The following VDAC2 variants were observed in gnomAD, a reference collection of about 807,000 sequenced individuals.
VDAC2 encodes the protein voltage dependent anion channel 2, also known as non-selective voltage-gated ion channel VDAC2.
A neutral mutation model predicts 36.6 loss-of-function variants in VDAC2; 6 were observed. The ratio of observed to expected loss-of-function variants is 0.16; its 90% confidence interval spans 0.09 to 0.32. VDAC2 has a LOEUF of 0.32. Ranked by LOEUF, VDAC2 falls within the 10% of genes least tolerant of loss-of-function variation. VDAC2 has a pLI of 1.00. For missense variants in VDAC2, 247 were observed against 346.0 expected (o/e 0.71, Z 2.27); for synonymous variants, 109 against 123.8 (o/e 0.88, Z 0.79).
At chr10:75,215,644 G>A (rs182010558) in intron 4 of VDAC2, among the ~76,000 whole-genome samples, 10 of 151,914 alleles carry the variant, frequency 6.6e-5, no homozygotes, top group African/African-American at 2.2e-4. Context: ...GAGCCACCGC[G>A]CCCGGCCTAT....
chr10:75,219,055 CTTG>C lies in VDAC2; in HGVS notation c.151-5_151-3del, dbSNP rs768711781. Reference sequence around the variant, plus strand: ...GAATGTTCATGAAGTTATTGATTGTCTTGTTAGGAATTTTCAACGTCCGGTTCA... The same window carrying C: ...GAATGTTCATGAAGTTATTGATTGTCTTAGGAATTTTCAACGTCCGGTTCA... On this transcript the variant is annotated splice_region_variant and splice_polypyrimidine_tract_variant and intron_variant, in intron 4 of 9. Coordinates refer to ENST00000332211, the MANE Select transcript of VDAC2 (RefSeq NM_001391963.1). 1.6e-5 allele frequency: 25 copies of C among 1,603,376 alleles called. No individual in the cohort carries two copies. Among genetic ancestry groups the C allele is most frequent in the Non-Finnish European group, 2.0e-5 (24 of 1,176,798 alleles).
chr10:75,219,065 A>C lies in VDAC2; in HGVS notation c.153A>C (p.Glu51Asp), dbSNP rs756389131. ...GAAGTTATTGATTGTCTTGTTAGGA[A>C]TTTTCAACGTCCGGTTCATCTAATA... is the stretch of plus-strand genomic sequence containing the variant. ...DVKTKSCSGV[E>D]FSTSGSSNTD... The change falls in exon 5 of 10, where the codon GAA becomes GAC. Residue 51 changes from glutamate (E) to aspartate (D), a missense_variant and splice_region_variant. This residue lies in a region of VDAC2 where 76 missense variants were observed against 76.9 expected (regional missense o/e 0.99). Transcript: ENST00000332211. 6.2e-6 allele frequency: 10 copies of C among 1,601,194 alleles called. No individual in the cohort carries two copies. In the Admixed American group the frequency reaches 1.7e-4, roughly 28 times the overall value.
Position 75,214,069 on chromosome 10 carries a change from T to C in VDAC2, c.149T>C (p.Val50Ala). The C allele has an allele frequency of 6.2e-7, 1 of 1,613,012 alleles. No individual in the cohort carries two copies. Among genetic ancestry groups the C allele is most frequent in the Non-Finnish European group, 8.5e-7 (1 of 1,179,360 alleles). ...GTGAAAACAAAGTCTTGCAGTGGCG[T>C]GGTGAGTGTTACTGTTGAATAAGTT... ...LDVKTKSCSG[V>A]EFSTSGSSNT... is the part of the protein sequence containing the mutation. The change falls in exon 4 of 10, where the codon GTG becomes GCG. Residue 50 changes from valine (V) to alanine (A), a missense_variant and splice_region_variant. By Grantham distance (64) the Val-to-Ala change is moderately conservative (BLOSUM62 0). Coordinates refer to ENST00000332211, the MANE Select transcript of VDAC2 (RefSeq NM_001391963.1).
At chr10:75,223,551 A>G (rs1841879276) in intron 8 of VDAC2, among the ~76,000 whole-genome samples, 1 of 152,232 alleles carries the variant, frequency 6.6e-6, no homozygotes, top group East Asian at 1.9e-4. Flanking sequence ...CCAATTCAGC[A>G]GTACCCAGAA....
At chr10:75,219,018 C>A (rs774981626) in intron 4 of VDAC2, 45 bp from the exon 5 acceptor site, 1 of 1,579,556 alleles carries the variant, frequency 6.3e-7, no homozygotes, top group South Asian at 1.2e-5. Flanking sequence ...GTGATGAATT[C>A]TAGGCTTATG....
intron 4 of VDAC2, among the ~76,000 whole-genome samples, chr10:75,216,352 TGGAAA>T (rs1841604803): frequency 6.6e-6 from 1 of 152,200 alleles, no homozygotes; most frequent in Admixed American, 6.5e-5. Context: ...AAATCTTTGT[TGGAAA>T]GGAATAGATT....
At chr10:75,220,194 C>G (rs947015795) in intron 6 of VDAC2, among the ~76,000 whole-genome samples, 1 of 151,826 alleles carries the variant, frequency 6.6e-6, no homozygotes, top group Non-Finnish European at 1.5e-5. Flanking sequence ...CAACCTCTGC[C>G]TCCTGGGTTG....
At chr10:75,210,716 G>C (rs986224636), upstream of VDAC2, 1 of 157,898 alleles carries the variant, frequency 6.3e-6, no homozygotes, top group Non-Finnish European at 1.4e-5. Context: ...CTCTGGAGCA[G>C]GTTGGAGTTG....
At chr10:75,214,134 A>G in intron 4 of VDAC2, 64 bp downstream of exon 4, 1 of 1,535,948 alleles carries the variant, frequency 6.5e-7, no homozygotes, top group Non-Finnish European at 9.0e-7. Flanking sequence ...TAAAATGGTC[A>G]TAACTGAAAG....
chr10:75,230,157 A>G (rs1842064124), intron 9 of VDAC2, among the ~76,000 whole-genome samples: 1 of 152,182 alleles, frequency 6.6e-6, no homozygotes, highest in South Asian at 2.1e-4. Context: ...CCAACTTCAG[A>G]GTGCACATGA....
chr10:75,221,156 G>A (rs1018345399), intron 7 of VDAC2, 186 bp downstream of exon 7: 6 of 576,248 alleles, frequency 1.0e-5, no homozygotes, highest in East Asian at 2.9e-5. Flanking sequence ...CTGACCTTTG[G>A]TGCTGAGAGA....
In VDAC2 at chr10:75,216,006, T is replaced by A. The variant is rs566673374; in HGVS notation, c.150+1936T>A. Among the ~76,000 whole-genome samples the A allele has an allele frequency of 3.9e-5, 6 of 152,364 alleles. No homozygotes were observed. In the East Asian group the frequency reaches 5.8e-4, roughly 15 times the overall value. Reference sequence around the variant, plus strand: ...CAGGCGTGAGCCACAGCGCTAGCCCTGTAGTTTAAAAGCCTAGGCCTGTTG... The same window carrying A: ...CAGGCGTGAGCCACAGCGCTAGCCCAGTAGTTTAAAAGCCTAGGCCTGTTG... On this transcript the variant is annotated intron_variant, in intron 4 of 9. Transcript: ENST00000332211.
At chr10:75,222,824 A>G (rs1245079439) in intron 8 of VDAC2, among the ~76,000 whole-genome samples, 2 of 151,798 alleles carry the variant, frequency 1.3e-5, no homozygotes, top group African/African-American at 4.8e-5. Flanking sequence ...TACTATTCCC[A>G]ACTAATTTTT....
At chr10:75,215,829 C>G (rs571994928) in intron 4 of VDAC2, among the ~76,000 whole-genome samples, 69 of 151,770 alleles carry the variant, frequency 4.5e-4, no homozygotes, top group African/African-American at 1.6e-3. Flanking sequence ...TCAAGTGATT[C>G]TCCGGCCTCA....
Position 75,220,727 on chromosome 10 carries a change from T to C in VDAC2, c.357-16T>C. The C allele has an allele frequency of 1.2e-6, 2 of 1,602,048 alleles. No individual in the cohort carries two copies. The highest frequency in any genetic ancestry group is 1.7e-6 in the Non-Finnish European group (2 of 1,171,974). On this transcript the variant is annotated splice_polypyrimidine_tract_variant and intron_variant, in intron 6 of 9. Transcript: ENST00000332211. ...TGTAAATTTTTCCCAATGACATCAG[T>C]TTGTTCTTTTTCCAGAAAGAAAAGT...
In VDAC2 at chr10:75,212,082, A is replaced by G. The variant is rs551390223; in HGVS notation, c.32-148A>G. The G allele has an allele frequency of 9.7e-5, 67 of 692,018 alleles. No homozygotes were observed. In the South Asian group the frequency reaches 1.1e-3, roughly 11 times the overall value. 42.9% of individuals were successfully genotyped at this position (692,018 alleles called of 1,614,324 possible). A position where few individuals can be genotyped will look rare whatever the true frequency, so the allele number is the denominator to read the frequency against. ...TGGTATCTCCTTTATGGGTCGTTAT[A>G]GTTCTATTGTAGCTCCTGACCGCAT... On this transcript the variant is annotated intron_variant, in intron 2 of 9. Transcript: ENST00000332211.
intron 1 of VDAC2, 21 bp downstream of exon 1, chr10:75,210,959 C>A: frequency 2.1e-6 from 1 of 485,992 alleles, no homozygotes; most frequent in South Asian, 4.1e-5. Flanking sequence ...GCCCGCCTCA[C>A]GCCGACCCAG....
At position 75,220,761 on chromosome 10, in the gene VDAC2, C is replaced by G. The variant is rs1841788506; in HGVS notation, c.375C>G (p.Ile125Met). The change falls in exon 7 of 10, where the codon ATC becomes ATG. Residue 125 changes from isoleucine to methionine, a missense_variant. This residue lies in a region of VDAC2 where 159 missense variants were observed against 234.0 expected (regional missense o/e 0.68). Coordinates refer to ENST00000332211, the MANE Select transcript of VDAC2 (RefSeq NM_001391963.1). ...TTTCCAGAAAGAAAAGTGGTAAAAT[C>G]AAGTCTTCTTACAAGAGGGAGTGTA... ...SPNTGKKSGK[I>M]KSSYKRECIN... 6.2e-7 allele frequency: 1 copy of G among 1,609,792 alleles called. No individual in the cohort carries two copies. The highest frequency in any genetic ancestry group is 8.5e-7 in the Non-Finnish European group (1 of 1,178,138).
intron 3 of VDAC2, among the ~76,000 whole-genome samples, 166 bp from the exon 4 acceptor site, chr10:75,213,855 C>CA (rs1841512689): frequency 6.6e-6 from 1 of 152,218 alleles, no homozygotes; most frequent in Admixed American, 6.5e-5. Flanking sequence ...AGCCAGTTTA[C>CA]AAAAGACGAA....
Sources: allele counts gnomAD v4.1 joint callset (sites outside exome capture counted in the v4.1 genomes callset), GRCh38; gene constraint gnomAD v4.1.1; regional missense constraint gnomAD v4.1.1; transcripts MANE v1.5; gene names NCBI Gene and HGNC (gene_info 2026-07-23, HGNC 2026-07-21).